COL16A1: variants seen among roughly 807,000 people sequenced by gnomAD.
COL16A1 encodes collagen alpha-1(XVI) chain.
A neutral mutation model predicts 266.3 loss-of-function variants in COL16A1; 189 were observed. The ratio of observed to expected loss-of-function variants is 0.71; its 90% CI spans 0.63 to 0.80. The LOEUF is 0.80. Ranked by LOEUF, COL16A1 falls within the 30% of genes least tolerant of loss-of-function variation. COL16A1 has a pLI of 0.00. For missense variants in COL16A1, 1,928 were observed against 2,122.4 expected, an observed-to-expected ratio of 0.91 and a Z score of 1.80; for synonymous variants, 740 against 782.3, an observed-to-expected ratio of 0.95 and a Z score of 0.90.
In COL16A1 at chr1:31,668,388, G is replaced by A. The variant is rs566134331; in HGVS notation, c.3250-170C>T. Among the ~76,000 whole-genome samples, 63 of 152,250 alleles carry A rather than the reference G, an allele frequency of 4.1e-4. 2 individuals are homozygous for A. In the South Asian group the frequency reaches 0.012, roughly 30 times the overall value. ...CCCCAAGCCCCAGGTCCCCTCGGTC[G>A]TGACCACCACCACAGACCTGGGCTG... On this transcript the variant is annotated intron_variant, in intron 50 of 70. Coordinates refer to ENST00000373672, the MANE Select transcript of COL16A1 (RefSeq NM_001856.4). This position sits in a 1 kb window ranked among gnomAD's most constrained non-coding sequence, Gnocchi z 5.8.
Position 31,658,982 on chromosome 1 carries a change from A to G in COL16A1, c.3880-18T>C, listed in dbSNP as rs1641411707. On this transcript the variant is annotated intron_variant, in intron 62 of 70. Transcript: ENST00000373672. Reference sequence around the variant, plus strand: ...GGTGGCCCCTAAAGAGAGATGAGTCAGTGGGATAGAAACAGGTTCTAATAG... The same window carrying G: ...GGTGGCCCCTAAAGAGAGATGAGTCGGTGGGATAGAAACAGGTTCTAATAG... 2 of 1,552,256 alleles carry G rather than the reference A, an allele frequency of 1.3e-6. No individual in the cohort carries two copies. Among genetic ancestry groups the G allele is most frequent in the South Asian group, 2.4e-5 (2 of 84,078 alleles).
Position 31,697,923 on chromosome 1 carries a change from G to A in COL16A1, c.640C>T (p.Gln214Ter). 1 of 1,612,100 alleles carries A rather than the reference G, an allele frequency of 6.2e-7. No individual in the cohort carries two copies. The highest frequency in any genetic ancestry group is 8.5e-7 in the Non-Finnish European group (1 of 1,179,648). Reference sequence around the variant, plus strand: ...GCACTCACCGAGACAGGCTTGCCCTGCTCAGCATCCAAGCCTAGAAATACA... The same window carrying A: ...GCACTCACCGAGACAGGCTTGCCCTACTCAGCATCCAAGCCTAGAAATACA... ...GHVFLGLDAEQGKPVSFDLQQ... is the reference protein window; with the variant it reads ...GHVFLGLDAE Residue 214 changes from glutamine (Q) to a stop codon, truncating the protein, a stop_gained, in exon 6 of 71, where the codon CAG (glutamine) becomes TAG (stop). Transcript: ENST00000373672. LOFTEE classifies it high-confidence loss of function. The surrounding 1 kb of genome is among the most constrained non-coding windows in gnomAD (Gnocchi z 4.2).
In COL16A1 at chr1:31,656,186, G is replaced by T; in HGVS notation, c.4101+214C>A. ...AATGAATGAATCAATCAGTCAATCA[G>T]TGAGTAAATGAACTGGAGATTTCCT... On this transcript the variant is annotated intron_variant, in intron 66 of 70. Coordinates refer to ENST00000373672, the MANE Select transcript of COL16A1 (RefSeq NM_001856.4). This position sits in a 1 kb window ranked among gnomAD's most constrained non-coding sequence, Gnocchi z 4.2. 1 of 707,682 alleles carries T rather than the reference G, an allele frequency of 1.4e-6. No individual in the cohort carries two copies. The highest frequency in any genetic ancestry group is 2.3e-6 in the Non-Finnish European group (1 of 426,836). The allele number at this position is 707,682 out of a possible 1,614,324, so 43.8% of individuals were successfully genotyped here. A position where few individuals can be genotyped will look rare whatever the true frequency, so the allele number is the denominator to read the frequency against.
At chr1:31,653,358 C>G (rs947032350) in intron 70 of COL16A1, 6 of 453,936 alleles carry the variant, frequency 1.3e-5, no homozygotes, top group African/African-American at 2.0e-5. Flanking sequence ...CACCTCCATG[C>G]AGCTCTCTCC....
Position 31,671,477 on chromosome 1 carries a change from G to A in COL16A1, c.3150+138C>T, listed in dbSNP as rs904266535. 2.3e-5 allele frequency: 24 copies of A among 1,030,450 alleles called. 1 individual carries two copies. Among genetic ancestry groups the A allele is most frequent in the South Asian group, 1.5e-4 (10 of 67,888 alleles). The allele number at this position is 1,030,450 out of a possible 1,614,324, so 63.8% of individuals were successfully genotyped here. ...AGCACAGTCCCTGCAGATGCTCTGC[G>A]GAGGGATGGGGAGGGCAGTGGAAGT... On this transcript the variant is annotated intron_variant, in intron 48 of 70. Transcript: ENST00000373672.
At position 31,668,951 on chromosome 1, in the gene COL16A1, C is replaced by T; in HGVS notation, c.3196-96G>A. On this transcript the variant is annotated intron_variant, in intron 49 of 70. Coordinates refer to ENST00000373672, the MANE Select transcript of COL16A1 (RefSeq NM_001856.4). This position sits in a 1 kb window ranked among gnomAD's most constrained non-coding sequence, Gnocchi z 5.8. The stretch of plus-strand genomic sequence containing the variant: ...GCCCCACTGCCTTCTGTTCCCACTC[C>T]AGGCAAATATGGAGGCCATAGTGGC... 1 of 1,111,104 alleles carries T rather than the reference C, an allele frequency of 9.0e-7. No homozygotes were observed. Among genetic ancestry groups the T allele is most frequent in the Non-Finnish European group, 1.3e-6 (1 of 765,280 alleles). 68.8% of individuals were successfully genotyped at this position (1,111,104 alleles called of 1,614,324 possible).
chr1:31,680,000 C>G (rs1643501174), intron 40 of COL16A1, 42 bp downstream of exon 40: 8 of 1,610,114 alleles, frequency 5.0e-6, no homozygotes, highest in Non-Finnish European at 6.8e-6. Flanking sequence ...TGAAGCTGGT[C>G]CTCTCCCCCA....
chr1:31,669,413 A>C (rs1642445818), intron 49 of COL16A1, among the ~76,000 whole-genome samples: 1 of 151,974 alleles, frequency 6.6e-6, no homozygotes, highest in African/African-American at 2.4e-5. Flanking sequence ...TTGTAGGGTG[A>C]GAGGGCATGT....
intron 12 of COL16A1, 159 bp from the exon 13 acceptor site, chr1:31,693,313 C>T: frequency 1.6e-6 from 1 of 632,986 alleles, no homozygotes; most frequent in Non-Finnish European, 2.9e-6. Flanking sequence ...CTCCCCCCAC[C>T]ACACACAAGC....
At chr1:31,694,572 G>T (rs6664004) in intron 11 of COL16A1, among the ~76,000 whole-genome samples, 5,154 of 152,308 alleles carry the variant, frequency 0.034, 303 homozygotes, top group African/African-American at 0.12. Flanking sequence ...GCTTAGAGCT[G>T]AGGGGAGCTG....
At chr1:31,674,412 G>A (rs1001685351) in intron 44 of COL16A1, among the ~76,000 whole-genome samples, 7 of 152,234 alleles carry the variant, frequency 4.6e-5, no homozygotes, top group Non-Finnish European at 7.3e-5. Flanking sequence ...GATTCCAATA[G>A]GAACTTCTGC....
chr1:31,691,375 T>C, intron 19 of COL16A1, 42 bp downstream of exon 19: 1 of 1,592,208 alleles, frequency 6.3e-7, no homozygotes. Context: ...GGGAGAGCGG[T>C]CTCTGAGAAA....
chr1:31,685,376 G>A lies in COL16A1; in HGVS notation c.2016+263C>T, dbSNP rs550146806. On this transcript the variant is annotated intron_variant, in intron 29 of 70. Transcript: ENST00000373672. This position sits in a 1 kb window ranked among gnomAD's most constrained non-coding sequence, Gnocchi z 4.0. ...CTTGCTCAAGTCAAAGACTTAGTAA[G>A]AAGCAAAGCTAAGATTGGAACCCAG... Among the ~76,000 whole-genome samples, 1 of 152,338 alleles carries A rather than the reference G, an allele frequency of 6.6e-6. No individual in the cohort carries two copies. Among genetic ancestry groups the A allele is most frequent in the East Asian group, 1.9e-4 (1 of 5,182 alleles).
intron 30 of COL16A1, 95 bp from the exon 31 acceptor site, chr1:31,684,725 G>T: frequency 6.2e-7 from 1 of 1,609,760 alleles, no homozygotes; most frequent in Non-Finnish European, 8.5e-7. Context: ...CTTTGCCGGG[G>T]CTGAGGGTTG....
At chr1:31,680,803 G>C in intron 39 of COL16A1, 102 bp downstream of exon 39, 6 of 1,594,658 alleles carry the variant, frequency 3.8e-6, no homozygotes, top group Non-Finnish European at 5.1e-6. Context: ...ATGGTGGGAA[G>C]GCTGGAGGGG....
rs200931133 is a variant in COL16A1 at position 31,685,708 on chromosome 1, C to T, written c.1947G>A (p.Val649=). 12 of 1,614,002 alleles carry T rather than the reference C, an allele frequency of 7.4e-6. No individual in the cohort carries two copies. The East Asian group carries it at 2.2e-4, about 30-fold the overall frequency. Residue 649 remains valine (V), a synonymous_variant, in exon 29 of 71, where the codon GTG becomes GTA. Coordinates refer to ENST00000373672, the MANE Select transcript of COL16A1 (RefSeq NM_001856.4). This position sits in a 1 kb window ranked among gnomAD's most constrained non-coding sequence, Gnocchi z 4.0. ...TCTCTCCGGATGGGCCAGGCAAGGC[C>T]ACCACACGGACATCCCCATCCTGAA... ...SNLQDGDVRV[V]ALPGPSGEKG...
chr1:31,667,544 C>A, intron 52 of COL16A1, 31 bp downstream of exon 52: 1 of 1,569,100 alleles, frequency 6.4e-7, no homozygotes, highest in East Asian at 2.3e-5. Context: ...ACGTGCAGCC[C>A]TGCATCCAGC....
intron 26 of COL16A1, among the ~76,000 whole-genome samples, chr1:31,687,401 C>A (rs1264629241): frequency 1.1e-4 from 13 of 118,488 alleles, no homozygotes; most frequent in Admixed American, 6.3e-4. Context: ...AAAAAAAAAA[C>A]CAACAACGCA....
chr1:31,655,691 C>A, intron 66 of COL16A1, 189 bp from the exon 67 acceptor site: 1 of 988,644 alleles, frequency 1.0e-6, no homozygotes, highest in East Asian at 2.7e-5. Flanking sequence ...TGGTGTTACT[C>A]CCTGCTTAGA....
Sources: allele counts gnomAD v4.1 joint callset (sites outside exome capture counted in the v4.1 genomes callset), GRCh38; gene constraint gnomAD v4.1.1; non-coding constraint Gnocchi (gnomAD v3.1); transcripts MANE v1.5; gene names NCBI Gene and HGNC (gene_info 2026-07-23, HGNC 2026-07-21).